TRHR: variants seen among roughly 807,000 people sequenced by gnomAD.
TRHR encodes the protein thyrotropin releasing hormone receptor, also known as thyrotropin-releasing hormone receptor.
A neutral mutation model predicts 28.0 loss-of-function variants in TRHR; 14 were observed. The ratio of observed to expected loss-of-function variants is 0.50; its 90% CI spans 0.33 to 0.78. TRHR has a LOEUF of 0.78. Among genes scored for constraint, TRHR ranks in the 30% least tolerant of loss-of-function variants. TRHR has a pLI of 0.02. For missense variants in TRHR, 438 were observed against 469.5 expected (o/e 0.93, Z 0.62); for synonymous variants, 176 against 171.9 (o/e 1.02, Z -0.18).
intron 2 of TRHR, among the ~76,000 whole-genome samples, chr8:109,089,941 A>G (rs1811496828): frequency 6.6e-6 from 1 of 152,224 alleles, no homozygotes; most frequent in African/African-American, 2.4e-5. Context: ...TACAGTCATT[A>G]GTACCTATCA....
In TRHR at chr8:109,120,386, G is replaced by A. The variant is rs1280703461; in HGVS notation, c.*931G>A. Among the ~76,000 whole-genome samples, 3 of 151,694 alleles carry A rather than the reference G, an allele frequency of 2.0e-5. No homozygotes were observed. Among genetic ancestry groups the A allele is most frequent in the Non-Finnish European group, 4.4e-5 (3 of 67,824 alleles). ...CAGCCATGTCAAGCAAATCATTCAA[G>A]CAAAATCTAGCTGAAAAGTCTGAAA... On this transcript the variant is annotated 3_prime_UTR_variant, in exon 3 of 3. Coordinates refer to ENST00000518632, the MANE Select transcript of TRHR (RefSeq NM_003301.7).
At chr8:109,096,935 C>T (rs1000732385) in intron 2 of TRHR, among the ~76,000 whole-genome samples, 1 of 152,090 alleles carries the variant, frequency 6.6e-6, no homozygotes, top group African/African-American at 2.4e-5. Context: ...ACATATTCTT[C>T]TCTGATTTTA....
At chr8:109,099,892 T>C (rs1811650452) in intron 2 of TRHR, among the ~76,000 whole-genome samples, 1 of 152,180 alleles carries the variant, frequency 6.6e-6, no homozygotes, top group Non-Finnish European at 1.5e-5. Flanking sequence ...GATTTATGAC[T>C]ATGGGGAAAC....
At chr8:109,088,342 G>A in intron 2 of TRHR, 41 bp downstream of exon 2, 1 of 1,602,290 alleles carries the variant, frequency 6.2e-7, no homozygotes, top group East Asian at 2.2e-5. Context: ...AGGAAATGTG[G>A]GATAGAGTTC....
At position 109,120,120 on chromosome 8, in the gene TRHR, A is replaced by C. The variant is rs1811984636; in HGVS notation, c.*665A>C. On this transcript the variant is annotated 3_prime_UTR_variant, in exon 3 of 3. Transcript: ENST00000518632. ...AAACCTCAAAATATCTGAAATTATT[A>C]ATTAAGGAGAAATGTAGATTTTAAG... 6.6e-6 allele frequency among the ~76,000 whole-genome samples: 1 copy of C among 151,814 alleles called. No individual in the cohort carries two copies. Among genetic ancestry groups the C allele is most frequent in the Non-Finnish European group, 1.5e-5 (1 of 67,860 alleles).
chr8:109,089,164 A>G (rs1250978603), intron 2 of TRHR, among the ~76,000 whole-genome samples: 1 of 151,982 alleles, frequency 6.6e-6, no homozygotes, highest in Non-Finnish European at 1.5e-5. Flanking sequence ...TCTATATACA[A>G]TTGTTCTAGG....
intron 2 of TRHR, among the ~76,000 whole-genome samples, chr8:109,095,375 A>G (rs745773751): frequency 5.9e-5 from 9 of 152,170 alleles, no homozygotes; most frequent in Admixed American, 5.9e-4. Flanking sequence ...ACAAGCAGCT[A>G]TAAAGTCAGA....
At chr8:109,111,987 T>G (rs1811841575) in intron 2 of TRHR, among the ~76,000 whole-genome samples, 1 of 152,178 alleles carries the variant, frequency 6.6e-6, no homozygotes, top group Non-Finnish European at 1.5e-5. Context: ...TGCTTTTTAG[T>G]ACTAACAGAG....
intron 2 of TRHR, among the ~76,000 whole-genome samples, chr8:109,100,253 A>T (rs1811657388): frequency 6.6e-6 from 1 of 152,188 alleles, no homozygotes; most frequent in African/African-American, 2.4e-5. Flanking sequence ...ATAGGCTCAG[A>T]TTCAGAGTAT....
intron 2 of TRHR, among the ~76,000 whole-genome samples, chr8:109,101,487 A>G (rs1811676195): frequency 6.6e-6 from 1 of 152,214 alleles, no homozygotes; most frequent in Non-Finnish European, 1.5e-5. Context: ...ATCTATAAAA[A>G]GAATGATAAC....
chr8:109,090,759 G>C (rs1262759576), intron 2 of TRHR, among the ~76,000 whole-genome samples: 1 of 152,178 alleles, frequency 6.6e-6, no homozygotes, highest in Non-Finnish European at 1.5e-5. Flanking sequence ...AGTATTCCAT[G>C]CATAAAGGAC....
chr8:109,107,415 A>T (rs1811767309), intron 2 of TRHR, among the ~76,000 whole-genome samples: 1 of 152,152 alleles, frequency 6.6e-6, no homozygotes, highest in African/African-American at 2.4e-5. Context: ...GAAATGTCTT[A>T]TCCAATGCCA....
At chr8:109,104,797 A>C (rs1455375998) in intron 2 of TRHR, among the ~76,000 whole-genome samples, 2 of 152,000 alleles carry the variant, frequency 1.3e-5, no homozygotes, top group African/African-American at 4.8e-5. Flanking sequence ...TCACTATTTA[A>C]ATATTCTAGC....
At position 109,087,947 on chromosome 8, in the gene TRHR, T is replaced by C. The variant is rs1158640847; in HGVS notation, c.435T>C (p.Ile145=). Reference sequence around the variant, plus strand: ...GCACATTTTCCAGAGCCAAAAAGATTATCATCTTTGTCTGGGCTTTCACAT... The same window carrying C: ...GCACATTTTCCAGAGCCAAAAAGATCATCATCTTTGTCTGGGCTTTCACAT... ...FLCTFSRAKK[I]IIFVWAFTSL... The change falls in exon 2 of 3, where the codon ATT becomes ATC. Residue 145 remains isoleucine, a synonymous_variant. Transcript: ENST00000518632. 3 of 1,614,112 alleles carry C rather than the reference T, an allele frequency of 1.9e-6. No individual in the cohort carries two copies. Among genetic ancestry groups the C allele is most frequent in the Non-Finnish European group, 2.5e-6 (3 of 1,180,012 alleles).
intron 2 of TRHR, among the ~76,000 whole-genome samples, chr8:109,096,061 A>C (rs1811586158): frequency 6.6e-6 from 1 of 152,052 alleles, no homozygotes; most frequent in African/African-American, 2.4e-5. Context: ...TATTTGCATA[A>C]TTTTTACACT....
In TRHR at chr8:109,121,182, C is replaced by T. The variant is rs1283420655; in HGVS notation, c.*1727C>T. ...TGCAAGCAAATATTTGCAGGAAATACCCTAAAACCCTACCTGCATGACAGT... is the reference window on the plus strand; with the variant it reads ...TGCAAGCAAATATTTGCAGGAAATATCCTAAAACCCTACCTGCATGACAGT... On this transcript the variant is annotated 3_prime_UTR_variant, in exon 3 of 3. Coordinates refer to ENST00000518632, the MANE Select transcript of TRHR (RefSeq NM_003301.7). 6.6e-6 allele frequency among the ~76,000 whole-genome samples: 1 copy of T among 150,752 alleles called. No homozygotes were observed. The highest frequency in any genetic ancestry group is 6.6e-5 in the Admixed American group (1 of 15,064).
chr8:109,092,734 C>T (rs377146160), intron 2 of TRHR, among the ~76,000 whole-genome samples: 45 of 152,070 alleles, frequency 3.0e-4, no homozygotes, highest in African/African-American at 8.0e-4. Flanking sequence ...CCACCGCACC[C>T]GGCACAACTT....
intron 2 of TRHR, among the ~76,000 whole-genome samples, chr8:109,095,223 G>A (rs559473413): frequency 6.6e-6 from 1 of 152,200 alleles, no homozygotes; most frequent in Admixed American, 6.5e-5. Context: ...CTTAATATGG[G>A]CCATGTACAC....
At chr8:109,099,101 A>T (rs927011482) in intron 2 of TRHR, among the ~76,000 whole-genome samples, 1 of 152,150 alleles carries the variant, frequency 6.6e-6, no homozygotes, top group African/African-American at 2.4e-5. Flanking sequence ...TTTTTCAGGA[A>T]ACAGAAAATG....
Sources: gnomAD v4.1 joint callset for allele counts (sites outside exome capture counted in the v4.1 genomes callset) on GRCh38, gnomAD v4.1.1 for gene constraint, MANE v1.5 for transcripts, NCBI Gene and HGNC (gene_info 2026-07-23, HGNC 2026-07-21) for gene names.